Variants in SLC35F3 observed in about 807,000 individuals in gnomAD.
SLC35F3 encodes solute carrier family 35 member F3.
In SLC35F3, 25 loss-of-function variants were observed where a neutral mutation model predicts 49.9. The ratio of observed to expected loss-of-function variants is 0.50; its 90% CI spans 0.37 to 0.70. The LOEUF (loss-of-function observed/expected upper bound fraction) is 0.70, where lower values mean the gene tolerates loss of function less well. Ranked by LOEUF, SLC35F3 falls within the 30% of genes least tolerant of loss-of-function variation. SLC35F3 has a pLI of 0.00. For missense variants in SLC35F3, 525 were observed against 639.8 expected (o/e 0.82, Z 1.94); for synonymous variants, 275 against 265.4 (o/e 1.04, Z -0.35).
At chr1:234,212,904 G>T (rs1044382321) in intron 2 of SLC35F3, 2 of 152,152 alleles carry the variant, frequency 1.3e-5, no homozygotes, top group African/African-American at 4.8e-5. Flanking sequence ...TCCTGTAAGA[G>T]GCGTATAATG....
intron 2 of SLC35F3, among the ~76,000 whole-genome samples, chr1:233,954,572 T>C (rs763047920): frequency 2.1e-4 from 32 of 152,206 alleles, no homozygotes; most frequent in Non-Finnish European, 4.4e-4. Flanking sequence ...GGGTGACCCA[T>C]GCAGTGGTTT....
intron 2 of SLC35F3, among the ~76,000 whole-genome samples, chr1:234,111,171 TA>T (rs985945089): frequency 2.0e-5 from 3 of 152,124 alleles, no homozygotes; most frequent in African/African-American, 4.8e-5. Context: ...ATTATTTAAT[TA>T]AAAAAATAAA....
intron 2 of SLC35F3, among the ~76,000 whole-genome samples, chr1:234,041,760 G>A (rs748910): frequency 0.12 from 18,873 of 152,078 alleles, 1,913 homozygotes; most frequent in East Asian, 0.25. Context: ...TGATTTTTAC[G>A]GAGGCACAGT....
intron 2 of SLC35F3, among the ~76,000 whole-genome samples, chr1:234,106,120 G>A (rs963988562): frequency 3.3e-5 from 5 of 152,140 alleles, no homozygotes; most frequent in Non-Finnish European, 5.9e-5. Context: ...ACATACTCCC[G>A]AAATTTGTTT....
chr1:234,288,465 C>A (rs1411103869), intron 3 of SLC35F3, among the ~76,000 whole-genome samples: 1 of 152,150 alleles, frequency 6.6e-6, no homozygotes, highest in Non-Finnish European at 1.5e-5. Flanking sequence ...GTCGCTGTGT[C>A]CACTGTGATT....
chr1:233,949,658 A>G (rs1460514744), intron 2 of SLC35F3, among the ~76,000 whole-genome samples: 3 of 152,188 alleles, frequency 2.0e-5, no homozygotes, highest in Non-Finnish European at 2.9e-5. Flanking sequence ...GCCCTTTTAC[A>G]GCATTCACTG....
At chr1:234,295,196 G>A (rs1668572985) in intron 3 of SLC35F3, among the ~76,000 whole-genome samples, 1 of 152,206 alleles carries the variant, frequency 6.6e-6, no homozygotes, top group African/African-American at 2.4e-5. Context: ...TCTGAGAAAG[G>A]CCAAGGACAG....
intron 3 of SLC35F3, among the ~76,000 whole-genome samples, chr1:234,287,735 G>T (rs1668445111): frequency 6.6e-6 from 1 of 152,072 alleles, no homozygotes; most frequent in African/African-American, 2.4e-5. Context: ...TCAATGAAGG[G>T]CCACTGCAGT....
At chr1:234,017,086 A>G (rs1032941965) in intron 2 of SLC35F3, among the ~76,000 whole-genome samples, 17 of 152,234 alleles carry the variant, frequency 1.1e-4, no homozygotes, top group Non-Finnish European at 8.8e-5. Context: ...TAAGAATTAT[A>G]CAAAATAACG....
chr1:234,247,421 G>A (rs1289314648), intron 3 of SLC35F3, among the ~76,000 whole-genome samples: 5 of 152,002 alleles, frequency 3.3e-5, no homozygotes, highest in African/African-American at 1.2e-4. Context: ...ATTGTTTGGT[G>A]GGTTGGTTGG....
intron 2 of SLC35F3, among the ~76,000 whole-genome samples, chr1:234,090,827 C>G (rs1665032550): frequency 6.6e-6 from 1 of 152,184 alleles, no homozygotes; most frequent in African/African-American, 2.4e-5. Flanking sequence ...CAATGACCCA[C>G]AGCCAGAAAT....
chr1:234,061,134 C>T (rs1331641312), intron 2 of SLC35F3, among the ~76,000 whole-genome samples: 1 of 152,096 alleles, frequency 6.6e-6, no homozygotes, highest in East Asian at 1.9e-4. Context: ...TATTTTAGTA[C>T]TTCTCGTAAG....
intron 1 of SLC35F3, 122 bp downstream of exon 1, chr1:233,905,252 G>A: frequency 9.4e-7 from 1 of 1,062,476 alleles, no homozygotes; most frequent in African/African-American, 1.6e-5. Flanking sequence ...CGCGCGCGGT[G>A]GAGCTGCTCG....
At chr1:234,110,612 A>G (rs1484149234) in intron 2 of SLC35F3, among the ~76,000 whole-genome samples, 1 of 152,276 alleles carries the variant, frequency 6.6e-6, no homozygotes, top group East Asian at 1.9e-4. Context: ...TTTAGTAAGC[A>G]AAAGAATGCA....
chr1:234,132,157 T>C (rs10910357), intron 2 of SLC35F3, among the ~76,000 whole-genome samples: 59,046 of 152,086 alleles, frequency 0.39, 13,398 homozygotes, highest in Middle Eastern at 0.52. Flanking sequence ...AGTCAGATTC[T>C]CCTGCATGCT....
At chr1:233,984,906 T>C (rs1380722360) in intron 2 of SLC35F3, among the ~76,000 whole-genome samples, 1 of 152,222 alleles carries the variant, frequency 6.6e-6, no homozygotes, top group Non-Finnish European at 1.5e-5. Flanking sequence ...TTTAAGCTGC[T>C]ATCATCTTCT....
chr1:234,177,056 CA>C (rs1666486964), intron 2 of SLC35F3, among the ~76,000 whole-genome samples: 1 of 152,158 alleles, frequency 6.6e-6, no homozygotes, highest in Non-Finnish European at 1.5e-5. Context: ...GGGAGGAACC[CA>C]GCGGGAGGTG....
At chr1:234,124,083 A>G (rs1460226617) in intron 2 of SLC35F3, among the ~76,000 whole-genome samples, 4 of 152,226 alleles carry the variant, frequency 2.6e-5, no homozygotes, top group Non-Finnish European at 4.4e-5. Context: ...GATATCGTAG[A>G]GGACATGGAG....
intron 4 of SLC35F3, among the ~76,000 whole-genome samples, chr1:234,315,895 A>G (rs567126069): frequency 6.6e-6 from 1 of 152,286 alleles, no homozygotes; most frequent in Admixed American, 6.5e-5. Flanking sequence ...TACTCTGGCA[A>G]TTTCACTTTC....
Sources: allele counts gnomAD v4.1 joint callset (sites outside exome capture counted in the v4.1 genomes callset), GRCh38; gene constraint gnomAD v4.1.1; transcripts MANE v1.5; gene names NCBI Gene and HGNC (gene_info 2026-07-23, HGNC 2026-07-21).